BRINP1: variants seen among roughly 807,000 people sequenced by gnomAD.
BRINP1 encodes the protein BMP/retinoic acid-inducible neural-specific protein 1.
BRINP1 carries 17 observed loss-of-function variants against 72.9 expected under a neutral mutation model. The ratio of observed to expected loss-of-function variants is 0.23; its 90% CI spans 0.16 to 0.35. The LOEUF (loss-of-function observed/expected upper bound fraction) is 0.35. Ranked by LOEUF, BRINP1 falls within the 10% of genes least tolerant of loss-of-function variation. The pLI is 1.00. For synonymous variants in BRINP1, 418 were observed against 378.5 expected (o/e 1.10, Z -1.21); for missense variants, 850 against 1,001.6 (o/e 0.85, Z 2.04).
intron 2 of BRINP1, among the ~76,000 whole-genome samples, chr9:119,305,914 G>A (rs1830993576): frequency 6.6e-6 from 1 of 152,350 alleles, no homozygotes; most frequent in Admixed American, 6.5e-5. Flanking sequence ...AAATGAGTGA[G>A]TAAGCTGCAG....
intron 2 of BRINP1, among the ~76,000 whole-genome samples, chr9:119,261,316 TGAATTG>T (rs1830493354): frequency 6.6e-6 from 1 of 152,166 alleles, no homozygotes; most frequent in African/African-American, 2.4e-5. Flanking sequence ...GATACCTAGG[TGAATTG>T]GACATCTTTC....
intron 4 of BRINP1, among the ~76,000 whole-genome samples, chr9:119,239,544 G>C (rs1040797649): frequency 1.3e-5 from 2 of 152,106 alleles, no homozygotes; most frequent in African/African-American, 4.8e-5. Flanking sequence ...CATTATTTAG[G>C]GTTGTTTTGA....
chr9:119,285,778 G>A (rs776561108), intron 2 of BRINP1, among the ~76,000 whole-genome samples: 1 of 152,066 alleles, frequency 6.6e-6, no homozygotes, highest in Non-Finnish European at 1.5e-5. Context: ...CTTGGTAGTG[G>A]TGTGTATCTG....
chr9:119,328,698 T>G (rs564809719), intron 1 of BRINP1, among the ~76,000 whole-genome samples: 6 of 152,124 alleles, frequency 3.9e-5, no homozygotes, highest in Admixed American at 3.3e-4. Context: ...AACAATAGAT[T>G]GAGTATCAGA....
intron 1 of BRINP1, among the ~76,000 whole-genome samples, chr9:119,331,023 T>C (rs1377408045): frequency 1.3e-5 from 2 of 152,070 alleles, no homozygotes; most frequent in Admixed American, 1.3e-4. Flanking sequence ...TGAGAATCCA[T>C]CTCAAAAAAA....
chr9:119,332,541 G>A (rs770027980), intron 1 of BRINP1, among the ~76,000 whole-genome samples: 7 of 152,164 alleles, frequency 4.6e-5, no homozygotes, highest in Non-Finnish European at 8.8e-5. Flanking sequence ...GGTCAGATGA[G>A]GCAGAAGTGA....
intron 7 of BRINP1, among the ~76,000 whole-genome samples, chr9:119,195,797 G>A (rs577720079): frequency 2.0e-5 from 3 of 152,278 alleles, no homozygotes; most frequent in African/African-American, 4.8e-5. Context: ...GAAAGATGAC[G>A]ATCTCTACTG....
At chr9:119,180,924 G>C (rs1177499482) in intron 7 of BRINP1, among the ~76,000 whole-genome samples, 1 of 152,158 alleles carries the variant, frequency 6.6e-6, no homozygotes, top group Non-Finnish European at 1.5e-5. Flanking sequence ...AGAAGGAGAA[G>C]AGCATCAATG....
chr9:119,354,196 C>G (rs942158877), intron 1 of BRINP1, among the ~76,000 whole-genome samples: 8 of 151,790 alleles, frequency 5.3e-5, no homozygotes, highest in Admixed American at 5.3e-4. Flanking sequence ...ATACATTTGT[C>G]TAGTGTAGAG....
At chr9:119,295,846 AG>A (rs1830871596) in intron 2 of BRINP1, among the ~76,000 whole-genome samples, 1 of 152,242 alleles carries the variant, frequency 6.6e-6, no homozygotes, top group Non-Finnish European at 1.5e-5. Flanking sequence ...ATGCAAAAGG[AG>A]GAAATTGCAC....
chr9:119,250,914 G>A (rs906139991), intron 2 of BRINP1, among the ~76,000 whole-genome samples: 4 of 152,138 alleles, frequency 2.6e-5, no homozygotes, highest in African/African-American at 7.2e-5. Flanking sequence ...CCACAGGATG[G>A]GAGAGACGAA....
Position 119,319,131 on chromosome 9 carries a change from C to A in BRINP1, c.-50-5726G>T, listed in dbSNP as rs530223202. On this transcript the variant is annotated intron_variant, in intron 1 of 7. Coordinates refer to ENST00000265922, the MANE Select transcript of BRINP1 (RefSeq NM_014618.3). ...TGTCAATGATGCAAATGTTGAGAAA[C>A]CCTGCTCTAATCCAACTCCTTTTTA... Among the ~76,000 whole-genome samples, 3 of 152,160 alleles carry A rather than the reference C, an allele frequency of 2.0e-5. No individual in the cohort carries two copies. The South Asian group carries it at 6.2e-4, about 32-fold the overall frequency.
chr9:119,337,463 A>G (rs747716943), intron 1 of BRINP1, among the ~76,000 whole-genome samples: 1 of 152,206 alleles, frequency 6.6e-6, no homozygotes, highest in Admixed American at 6.5e-5. Context: ...GCATTGACCA[A>G]TGTTCTCTCT....
intron 5 of BRINP1, among the ~76,000 whole-genome samples, chr9:119,233,857 T>C (rs370903865): frequency 6.6e-6 from 1 of 152,180 alleles, no homozygotes; most frequent in Non-Finnish European, 1.5e-5. Flanking sequence ...TATTTGTTTT[T>C]ACTTTTTTTT....
intron 1 of BRINP1, among the ~76,000 whole-genome samples, chr9:119,335,888 T>G (rs1031945556): frequency 6.6e-6 from 1 of 152,238 alleles, no homozygotes; most frequent in South Asian, 2.1e-4. Context: ...GATGTTCATC[T>G]TATTCCTGAT....
chr9:119,206,353 G>A (rs1202969243), intron 7 of BRINP1, among the ~76,000 whole-genome samples: 6 of 148,362 alleles, frequency 4.0e-5, no homozygotes, highest in African/African-American at 1.5e-4. Context: ...CTGGGAGACG[G>A]AGGTTGCAGT....
chr9:119,348,357 C>G (rs1030529110), intron 1 of BRINP1, among the ~76,000 whole-genome samples: 7 of 152,100 alleles, frequency 4.6e-5, no homozygotes, highest in African/African-American at 1.7e-4. Context: ...ATCAGTTTAC[C>G]TATTGAAGGA....
chr9:119,297,780 C>A (rs772646797), intron 2 of BRINP1, among the ~76,000 whole-genome samples: 4 of 152,116 alleles, frequency 2.6e-5, no homozygotes, highest in African/African-American at 9.7e-5. Flanking sequence ...CCTCCTGAAA[C>A]CCCTGGTCTT....
chr9:119,203,346 A>G (rs1283669657), intron 7 of BRINP1, among the ~76,000 whole-genome samples: 6 of 152,220 alleles, frequency 3.9e-5, no homozygotes, highest in Non-Finnish European at 7.3e-5. Context: ...ATCCAAGAGC[A>G]TCTACTTCAC....
Sources: allele counts gnomAD v4.1 joint callset (sites outside exome capture counted in the v4.1 genomes callset), GRCh38; gene constraint gnomAD v4.1.1; transcripts MANE v1.5; gene names NCBI Gene and HGNC (gene_info 2026-07-23, HGNC 2026-07-21).